Variants in GPHN observed in about 807,000 individuals in gnomAD.
GPHN encodes gephyrin.
A neutral mutation model predicts 95.5 loss-of-function variants in GPHN; 17 were observed. The ratio of observed to expected loss-of-function variants is 0.18; its 90% CI spans 0.12 to 0.27. GPHN has a LOEUF of 0.27. Among genes scored for constraint, GPHN ranks in the 10% least tolerant of loss-of-function variants. GPHN has a pLI of 1.00. For missense variants in GPHN, 660 were observed against 978.1 expected (o/e 0.67, Z 4.34); for synonymous variants, 320 against 322.5 (o/e 0.99, Z 0.08).
intron 1 of GPHN, among the ~76,000 whole-genome samples, chr14:66,662,357 G>T (rs931642598): frequency 6.6e-6 from 1 of 152,044 alleles, no homozygotes; most frequent in Admixed American, 6.6e-5. Flanking sequence ...CTTCACTGGT[G>T]ATACCCTCAG....
intron 8 of GPHN, among the ~76,000 whole-genome samples, chr14:66,939,642 G>T (rs944960305): frequency 1.3e-5 from 2 of 152,068 alleles, no homozygotes; most frequent in African/African-American, 4.8e-5. Context: ...CATCCTCCCC[G>T]TGCCAGTCAG....
the GPHN span, chr14:67,515,417 C>CGGCGGCGGT: frequency 5.4e-6 from 1 of 183,514 alleles, no homozygotes; most frequent in Non-Finnish European, 1.1e-5. Flanking sequence ...CCGGCGGCGG[C>CGGCGGCGGT]GGCGGCGGCG....
chr14:66,956,520 A>T (rs562575864), intron 8 of GPHN, among the ~76,000 whole-genome samples: 1 of 151,694 alleles, frequency 6.6e-6, no homozygotes, highest in African/African-American at 2.4e-5. Context: ...AAGTGTTCCT[A>T]TTTCTCCACA....
At chr14:66,820,100 TAGAC>T (rs1329699513) in intron 3 of GPHN, among the ~76,000 whole-genome samples, 1 of 152,170 alleles carries the variant, frequency 6.6e-6, no homozygotes, top group African/African-American at 2.4e-5. Flanking sequence ...TGTTAAACCT[TAGAC>T]AGGATTGGTT....
chr14:67,512,327 G>C, the GPHN span, among the ~76,000 whole-genome samples: 1 of 152,202 alleles, frequency 6.6e-6, no homozygotes, highest in South Asian at 2.1e-4. Flanking sequence ...AAGTGATGTA[G>C]AGTAAGAAGA....
At chr14:67,300,336 C>CTTTTTTTTTTTTTTTTTTTT in the GPHN span, among the ~76,000 whole-genome samples, 367 of 139,006 alleles carry the variant, frequency 2.6e-3, 12 homozygotes, top group Non-Finnish European at 4.1e-3. Flanking sequence ...TATGAATTAC[C>CTTTTTTTTTTTTTTTTTTTT]TTTTTTTTTT....
At chr14:67,377,581 G>A in the GPHN span, among the ~76,000 whole-genome samples, 3 of 152,118 alleles carry the variant, frequency 2.0e-5, no homozygotes, top group African/African-American at 4.8e-5. Flanking sequence ...TTCCTATGCT[G>A]CTGTCACTGG....
At chr14:66,882,627 T>C (rs1005000693) in intron 5 of GPHN, among the ~76,000 whole-genome samples, 4 of 151,820 alleles carry the variant, frequency 2.6e-5, no homozygotes, top group African/African-American at 9.7e-5. Context: ...CCAAATTTCT[T>C]GGATAAAGTG....
chr14:67,147,588 G>A (rs2153708457), intron 18 of GPHN, among the ~76,000 whole-genome samples: 1 of 152,290 alleles, frequency 6.6e-6, no homozygotes, highest in African/African-American at 2.4e-5. Flanking sequence ...CCAGGGTAGA[G>A]TGCAGTACTG....
chr14:66,718,598 G>A lies in GPHN; in HGVS notation c.143+37413G>A, dbSNP rs375694807. Among the ~76,000 whole-genome samples, 17 of 152,204 alleles carry A rather than the reference G, an allele frequency of 1.1e-4. No homozygotes were observed. In the South Asian group the frequency reaches 3.5e-3, roughly 32 times the overall value. On this transcript the variant is annotated intron_variant, in intron 2 of 22. Transcript: ENST00000478722. ...GGCCCTGCCCATGTCCTGCTGATTGGTCCATTTTACAGAGTGCTGATTGGT... is the reference window on the plus strand; with the variant it reads ...GGCCCTGCCCATGTCCTGCTGATTGATCCATTTTACAGAGTGCTGATTGGT...
At chr14:67,606,253 G>GT in the GPHN span, among the ~76,000 whole-genome samples, 4 of 152,240 alleles carry the variant, frequency 2.6e-5, no homozygotes, top group Non-Finnish European at 5.9e-5. Flanking sequence ...GAAAGTAGTG[G>GT]TTTTTTTCAT....
At chr14:66,560,918 C>G (rs1168126808) in intron 1 of GPHN, among the ~76,000 whole-genome samples, 1 of 152,160 alleles carries the variant, frequency 6.6e-6, no homozygotes, top group East Asian at 1.9e-4. Flanking sequence ...TACATCCCAT[C>G]ATTACCTAAT....
intron 1 of GPHN, among the ~76,000 whole-genome samples, chr14:66,632,181 T>A (rs1028264134): frequency 6.6e-6 from 1 of 152,130 alleles, no homozygotes; most frequent in Non-Finnish European, 1.5e-5. Flanking sequence ...GCAAAATGAT[T>A]AGATTAAATG....
chr14:67,225,956 T>C, the GPHN span, among the ~76,000 whole-genome samples: 3 of 136,292 alleles, frequency 2.2e-5, no homozygotes, highest in East Asian at 2.3e-4. Flanking sequence ...TGTGTGTGTG[T>C]GTGTGTGCGC....
chr14:67,695,521 T>G, the GPHN span: 1 of 1,114,658 alleles, frequency 9.0e-7, no homozygotes, highest in South Asian at 1.6e-5. Context: ...CTCCGCCATC[T>G]TGGAGCCCCC....
At chr14:66,949,244 G>A (rs558295996) in intron 8 of GPHN, among the ~76,000 whole-genome samples, 80 of 151,998 alleles carry the variant, frequency 5.3e-4, no homozygotes, top group African/African-American at 1.7e-3. Context: ...GCAATCACAC[G>A]CAGCTGATTT....
chr14:67,019,405 C>G (rs1256461176), intron 9 of GPHN, among the ~76,000 whole-genome samples: 1 of 152,006 alleles, frequency 6.6e-6, no homozygotes, highest in African/African-American at 2.4e-5. Context: ...TTATTTTGTT[C>G]TTGACTTTGA....
intron 8 of GPHN, among the ~76,000 whole-genome samples, chr14:66,946,059 A>C (rs1360077329): frequency 6.6e-6 from 1 of 152,130 alleles, no homozygotes; most frequent in Admixed American, 6.5e-5. Context: ...GTTTGGGATC[A>C]AATTTTGAGT....
At chr14:67,198,653 A>G in the GPHN span, among the ~76,000 whole-genome samples, 1 of 152,240 alleles carries the variant, frequency 6.6e-6, no homozygotes, top group Non-Finnish European at 1.5e-5. Context: ...TAGGCGTAGA[A>G]GACATTCTAA....
Sources: gnomAD v4.1 joint callset for allele counts (sites outside exome capture counted in the v4.1 genomes callset) on GRCh38, gnomAD v4.1.1 for gene constraint, MANE v1.5 for transcripts, NCBI Gene and HGNC (gene_info 2026-07-23, HGNC 2026-07-21) for gene names.